Variants in CD99L2 observed in about 807,000 individuals in gnomAD.
CD99L2 encodes CD99 antigen-like protein 2.
Under a neutral mutation model 27.3 loss-of-function variants are expected in CD99L2, and 24 were observed. The ratio of observed to expected loss-of-function variants is 0.88; its 90% CI spans 0.64 to 1.24. CD99L2 has a LOEUF of 1.24. Among genes scored for constraint, CD99L2 ranks in the 50% most tolerant of loss-of-function variants. The probability of loss-of-function intolerance (pLI) is 0.00; values close to 1 mark genes in which losing one functional copy is unlikely to be tolerated. For synonymous variants in CD99L2, 97 were observed against 87.9 expected (o/e 1.10, Z -0.58); for missense variants, 255 against 221.6 (o/e 1.15, Z -0.96).
intron 7 of CD99L2, among the ~76,000 whole-genome samples, chrX:150,780,349 G>A (rs1227229122): frequency 2.7e-5 from 3 of 112,277 alleles, no homozygotes; most frequent in Admixed American, 1.9e-4. Context: ...AACATTGCTA[G>A]CAGGCATGTA....
chrX:150,856,723 C>T (rs981423123), intron 1 of CD99L2, among the ~76,000 whole-genome samples: 9 of 109,767 alleles, frequency 8.2e-5, no homozygotes, highest in Non-Finnish European at 1.1e-4. Flanking sequence ...AAGTATGACA[C>T]GCCAAAGGAA....
intron 1 of CD99L2, among the ~76,000 whole-genome samples, chrX:150,847,930 C>G (rs781962950): frequency 1.3e-4 from 14 of 111,382 alleles, no homozygotes; most frequent in Non-Finnish European, 2.3e-4. Context: ...GCCACAAGCA[C>G]CATCCTCCTG....
At chrX:150,844,399 A>G (rs2046668752) in intron 1 of CD99L2, among the ~76,000 whole-genome samples, 1 of 111,870 alleles carries the variant, frequency 8.9e-6, no homozygotes, top group South Asian at 3.8e-4. Context: ...TCTTTGGTGA[A>G]AACAACTTCT....
At chrX:150,772,667 T>C (rs1016440388) in intron 9 of CD99L2, among the ~76,000 whole-genome samples, 1 of 112,587 alleles carries the variant, frequency 8.9e-6, no homozygotes, top group Non-Finnish European at 1.9e-5. Context: ...AAAAGGTCTA[T>C]GGAACCTTTT....
At chrX:150,879,129 T>C (rs1557422413) in intron 1 of CD99L2, among the ~76,000 whole-genome samples, 1 of 111,619 alleles carries the variant, frequency 9.0e-6, no homozygotes, top group East Asian at 2.8e-4. Context: ...AAAATACAGG[T>C]ACCCTGGTGG....
At chrX:150,806,106 T>C (rs1325458945) in intron 4 of CD99L2, among the ~76,000 whole-genome samples, 1 of 112,514 alleles carries the variant, frequency 8.9e-6, no homozygotes, top group East Asian at 2.8e-4. Flanking sequence ...ATCTTGGTTG[T>C]GATCTTATAC....
intron 1 of CD99L2, among the ~76,000 whole-genome samples, chrX:150,850,518 C>T (rs2046773540): frequency 8.9e-6 from 1 of 112,372 alleles, no homozygotes; most frequent in Admixed American, 9.4e-5. Flanking sequence ...GAGGGCTACC[C>T]ATGTTGCAAC....
intron 1 of CD99L2, among the ~76,000 whole-genome samples, chrX:150,890,295 A>G (rs2047489064): frequency 9.1e-6 from 1 of 110,197 alleles, no homozygotes; most frequent in African/African-American, 3.3e-5. Flanking sequence ...CCTGGCCAAC[A>G]TGGTGAAACC....
intron 4 of CD99L2, among the ~76,000 whole-genome samples, chrX:150,805,142 G>A (rs1469018018): frequency 1.8e-5 from 2 of 111,679 alleles, no homozygotes; most frequent in Admixed American, 9.5e-5. Context: ...GACCTGAGAT[G>A]GCGCCATTGC....
intron 1 of CD99L2, among the ~76,000 whole-genome samples, chrX:150,868,857 T>C (rs2047111590): frequency 8.9e-6 from 1 of 111,905 alleles, no homozygotes; most frequent in South Asian, 3.7e-4. Flanking sequence ...CATGGAAGCA[T>C]ACTTGTGATG....
At chrX:150,892,298 C>T (rs2047526081) in intron 1 of CD99L2, among the ~76,000 whole-genome samples, 1 of 109,869 alleles carries the variant, frequency 9.1e-6, no homozygotes, top group Non-Finnish European at 1.9e-5. Context: ...AAGCAAAACA[C>T]CAGGTGGGGA....
At chrX:150,864,064 T>C (rs1172936042) in intron 1 of CD99L2, among the ~76,000 whole-genome samples, 2 of 112,321 alleles carry the variant, frequency 1.8e-5, no homozygotes, top group Non-Finnish European at 1.9e-5. Flanking sequence ...CAGTTTGTGA[T>C]ACTTTGTTAC....
At chrX:150,851,873 C>A (rs2046797959) in intron 1 of CD99L2, among the ~76,000 whole-genome samples, 2 of 111,966 alleles carry the variant, frequency 1.8e-5, no homozygotes, top group South Asian at 7.5e-4. Context: ...TAATCCAGGA[C>A]AATTTCCCAT....
chrX:150,885,087 A>G, intron 1 of CD99L2, among the ~76,000 whole-genome samples: 1 of 111,225 alleles, frequency 9.0e-6, no homozygotes, highest in East Asian at 2.8e-4. Flanking sequence ...GGCTGCATAC[A>G]TAGGTGGCAG....
At chrX:150,824,788 G>A (rs1258006106) in intron 2 of CD99L2, among the ~76,000 whole-genome samples, 1 of 112,158 alleles carries the variant, frequency 8.9e-6, no homozygotes, top group East Asian at 2.8e-4. Flanking sequence ...AATTTTGGAG[G>A]GGAAAAACTT....
At chrX:150,770,001 T>C (rs1251472107) in intron 10 of CD99L2, among the ~76,000 whole-genome samples, 1 of 112,985 alleles carries the variant, frequency 8.9e-6, no homozygotes, top group African/African-American at 3.2e-5. Flanking sequence ...GATGTAATTG[T>C]ATTCGCTGAT....
chrX:150,819,165 C>A, intron 2 of CD99L2: 1 of 362,717 alleles, frequency 2.8e-6, no homozygotes, highest in Non-Finnish European at 5.3e-6. Flanking sequence ...CCATGAATGC[C>A]ACAGAAGCCA....
At chrX:150,884,980 G>A (rs896200502) in intron 1 of CD99L2, among the ~76,000 whole-genome samples, 7 of 112,227 alleles carry the variant, frequency 6.2e-5, no homozygotes, top group Admixed American at 1.9e-4. Context: ...ACAACAGATC[G>A]ACAATAATGT....
chrX:150,866,436 T>A (rs1557422037), intron 1 of CD99L2, among the ~76,000 whole-genome samples: 1 of 111,647 alleles, frequency 9.0e-6, no homozygotes, highest in African/African-American at 3.3e-5. Flanking sequence ...AGAGGTCAGA[T>A]AATGGGTACA....
Sources: allele counts gnomAD v4.1 joint callset (sites outside exome capture counted in the v4.1 genomes callset), GRCh38; gene constraint gnomAD v4.1.1; transcripts MANE v1.5; gene names NCBI Gene and HGNC (gene_info 2026-07-23, HGNC 2026-07-21).